Variants in LRRC37B observed in about 807,000 individuals in gnomAD.
The protein encoded by LRRC37B is leucine-rich repeat-containing protein 37B.
LRRC37B carries 28 observed loss-of-function variants against 98.3 expected under a neutral mutation model. That is an observed-to-expected ratio of 0.28 (90% CI 0.21 to 0.39). LRRC37B has a LOEUF of 0.39. LRRC37B is among the 10% of genes least tolerant of loss of function. LRRC37B has a pLI of 1.00. For synonymous variants in LRRC37B, 364 were observed against 442.7 expected (o/e 0.82, Z 2.23); for missense variants, 938 against 1,182.7 (o/e 0.79, Z 3.03).
chr17:32,029,789 GTGC>G (rs1329511207), intron 3 of LRRC37B, among the ~76,000 whole-genome samples: 1 of 152,198 alleles, frequency 6.6e-6, no homozygotes, highest in African/African-American at 2.4e-5. Flanking sequence ...TATCACAGCA[GTGC>G]TGTAAGATGG....
intron 3 of LRRC37B, among the ~76,000 whole-genome samples, chr17:32,030,132 C>T (rs1368752668): frequency 6.6e-6 from 1 of 151,970 alleles, no homozygotes; most frequent in African/African-American, 2.4e-5. Flanking sequence ...AAATGAATTT[C>T]TATTAATATG....
chr17:32,009,083 C>T (rs1171736138), intron 1 of LRRC37B, among the ~76,000 whole-genome samples: 2 of 152,058 alleles, frequency 1.3e-5, no homozygotes, highest in Non-Finnish European at 2.9e-5. Context: ...CCTGTATCCT[C>T]CCTAGCACTT....
At chr17:32,035,986 A>G (rs1261313068) in intron 7 of LRRC37B, 1 of 215,368 alleles carries the variant, frequency 4.6e-6, no homozygotes, top group Non-Finnish European at 9.1e-6. Flanking sequence ...CTTGTGTTTG[A>G]CTTCTTTCAC....
chr17:32,023,467 T>C (rs1300696943), intron 1 of LRRC37B, among the ~76,000 whole-genome samples: 4 of 152,168 alleles, frequency 2.6e-5, no homozygotes, highest in Non-Finnish European at 5.9e-5. Flanking sequence ...CCAATCTCAG[T>C]GATGATGCTC....
upstream of LRRC37B, chr17:32,020,609 C>A: frequency 2.0e-6 from 1 of 503,368 alleles, no homozygotes; most frequent in Non-Finnish European, 2.6e-6. Flanking sequence ...ATCAAACATG[C>A]GACAGTTTAG....
rs1018543057 is a variant in LRRC37B at position 32,012,028 on chromosome 17, T to TA, written c.-191+3907dup. Among the ~76,000 whole-genome samples, 14 of 149,466 alleles carry TA rather than the reference T, an allele frequency of 9.4e-5. No individual in the cohort carries two copies. The East Asian group carries it at 1.8e-3, about 19-fold the overall frequency. ...AGAGACCATACTTGGTATGATGAAT[T>TA]AAAAAAAAAAATTTAGAGGTTTGTA... On this transcript the variant is annotated intron_variant, in intron 1 of 14. Coordinates refer to the LRRC37B transcript ENST00000543378.
chr17:32,023,982 A>C (rs2142242928), intron 1 of LRRC37B, among the ~76,000 whole-genome samples: 1 of 152,140 alleles, frequency 6.6e-6, no homozygotes, highest in South Asian at 2.1e-4. Context: ...CTAAAAGTTT[A>C]CTTGGGTCTT....
At chr17:32,048,692 A>T (rs1461462083) in intron 9 of LRRC37B, among the ~76,000 whole-genome samples, 1 of 152,224 alleles carries the variant, frequency 6.6e-6, no homozygotes, top group Non-Finnish European at 1.5e-5. Flanking sequence ...GGCCAAAAAG[A>T]TTAGAAAGTT....
rs552530820 is a variant in LRRC37B, at chr17:32,023,871, T to C, written c.1761-840T>C. 6.6e-5 allele frequency among the ~76,000 whole-genome samples: 10 copies of C among 152,270 alleles called. No individual in the cohort carries two copies. In the East Asian group the frequency reaches 1.2e-3, roughly 18 times the overall value. On this transcript the variant is annotated intron_variant, in intron 1 of 11. Transcript: ENST00000327564. ...GAATACGCATAAAAAGGGCGGTGTA[T>C]ATAATTAATTCCTGAAAGATAATGC...
rs941406550 is a variant in LRRC37B, at chr17:32,012,546, G to A, written c.-191+4414G>A. 4.6e-5 allele frequency among the ~76,000 whole-genome samples: 7 copies of A among 151,292 alleles called. No homozygotes were observed. The East Asian group carries it at 7.8e-4, about 17-fold the overall frequency. On this transcript the variant is annotated intron_variant, in intron 1 of 14. Coordinates refer to the LRRC37B transcript ENST00000543378. ...AGACCGGCCAACATGGCGAAACCCC[G>A]TCTCTACTAAAAATAGAAAAACAGC...
Position 32,041,475 on chromosome 17 carries a change from TTG to T in LRRC37B, c.2205-4224_2205-4223del, listed in dbSNP as rs750734898. The T allele has an allele frequency of 6.4e-5, 42 of 660,774 alleles. No individual in the cohort carries two copies. In the African/African-American group the frequency reaches 7.2e-4, roughly 11 times the overall value. The allele number at this position is 660,774 out of a possible 1,614,324, so 40.9% of individuals were successfully genotyped here. On this transcript the variant is annotated intron_variant, in intron 7 of 11. Transcript: ENST00000327564. ...GTACCAGGGCATGCTGGACAGCCAG[TTG>T]GGCTTCTTCCTGCTCAGCTACATGG...
At position 32,021,565 on chromosome 17, in the gene LRRC37B, G is replaced by A. The variant is rs764280059; in HGVS notation, c.500G>A (p.Arg167Gln). ...CCAGAGGTGGTTCCGCTTCTCAACC[G>A]GGATCAGAACCAGGCCCTAGTTCAG... Residue 167 changes from arginine to glutamine, a missense_variant, in exon 1 of 12, where the codon CGG becomes CAG. Coordinates refer to ENST00000327564, the Ensembl canonical transcript of LRRC37B. The A allele has an allele frequency of 1.4e-5, 22 of 1,614,030 alleles. No individual in the cohort carries two copies. Among genetic ancestry groups the A allele is most frequent in the Middle Eastern group, 1.7e-4 (1 of 6,022 alleles).
At chr17:32,032,993 G>T (rs1410349005) in intron 5 of LRRC37B, among the ~76,000 whole-genome samples, 1 of 151,558 alleles carries the variant, frequency 6.6e-6, no homozygotes, top group Non-Finnish European at 1.5e-5. Flanking sequence ...GTGAAACCCC[G>T]TCTGTACTAA....
intron 4 of LRRC37B, 52 bp from the exon 8 acceptor site, chr17:32,031,326 T>A: frequency 6.3e-7 from 1 of 1,586,652 alleles, no homozygotes; most frequent in African/African-American, 1.4e-5. Context: ...CAGCAAATGA[T>A]AAATGTTCTG....
upstream of LRRC37B, among the ~76,000 whole-genome samples, chr17:32,019,081 C>T (rs1404490516): frequency 6.6e-6 from 1 of 152,140 alleles, no homozygotes; most frequent in African/African-American, 2.4e-5. Flanking sequence ...CACGCACCAC[C>T]ATACTCAGCT....
rs1911812116 is a variant in LRRC37B at position 32,053,418 on chromosome 17, C to G, written c.*90C>G. 4 of 825,260 alleles carry G rather than the reference C, an allele frequency of 4.8e-6. No individual in the cohort carries two copies. The East Asian group carries it at 1.1e-4, about 23-fold the overall frequency. 51.1% of individuals were successfully genotyped at this position (825,260 alleles called of 1,614,324 possible). A position where few individuals can be genotyped will look rare whatever the true frequency, so the allele number is the denominator to read the frequency against. ...TTTTACTTAAATCAATGAAAACTTT[C>G]TTTACTTTGTGGTTGTGTTCCTCAA... On this transcript the variant is annotated 3_prime_UTR_variant, in exon 12 of 12. Coordinates refer to ENST00000327564, the Ensembl canonical transcript of LRRC37B.
chr17:32,021,870 C>T lies in LRRC37B; in HGVS notation c.805C>T (p.Arg269Trp), dbSNP rs144111201. The change falls in exon 1 of 12, where the codon CGG becomes TGG. Residue 269 changes from arginine (R) to tryptophan (W), a missense_variant. Coordinates refer to ENST00000327564, the Ensembl canonical transcript of LRRC37B. ...TCCCGGCAGCCTACCTCCAGAACTC[C>T]GGGTGAACGCAGATGAGCCTCCAGG... 2.8e-5 allele frequency: 45 copies of T among 1,614,010 alleles called. No individual in the cohort carries two copies. The African/African-American group carries it at 2.8e-4, about 10-fold the overall frequency.
At chr17:32,039,261 G>A (rs1911335410) in intron 7 of LRRC37B, among the ~76,000 whole-genome samples, 1 of 151,050 alleles carries the variant, frequency 6.6e-6, no homozygotes, top group Admixed American at 6.6e-5. Flanking sequence ...ATAGGCATGA[G>A]GCATCATGCC....
chr17:32,052,621 A>C (rs938641494), intron 11 of LRRC37B: 3 of 152,208 alleles, frequency 2.0e-5, no homozygotes, highest in African/African-American at 4.8e-5. Context: ...AAATACAATT[A>C]GAAAGTACAG....
Sources: gnomAD v4.1 joint callset for allele counts (sites outside exome capture counted in the v4.1 genomes callset) on GRCh38, gnomAD v4.1.1 for gene constraint, MANE v1.5 for transcripts, NCBI Gene and HGNC (gene_info 2026-07-23, HGNC 2026-07-21) for gene names.